Variants in ROCK1 observed in about 807,000 individuals in gnomAD.
The protein encoded by ROCK1 is rho-associated protein kinase 1.
In ROCK1, 36 loss-of-function variants were observed where a neutral mutation model predicts 196.8. The ratio of observed to expected loss-of-function variants is 0.18; its 90% CI spans 0.14 to 0.24. The LOEUF is 0.24. Among genes scored for constraint, ROCK1 ranks in the 10% least tolerant of loss-of-function variants. The probability of loss-of-function intolerance (pLI) is 1.00; values close to 1 mark genes in which losing one functional copy is unlikely to be tolerated. For missense variants in ROCK1, 920 were observed against 1,562.0 expected (o/e 0.59, Z 6.93); for synonymous variants, 443 against 515.9 (o/e 0.86, Z 1.91).
chr18:20,967,218 A>G, intron 26 of ROCK1, 142 bp from the exon 27 acceptor site: 1 of 568,606 alleles, frequency 1.8e-6, no homozygotes. Context: ...ATTTTGATAC[A>G]CTACAGAAAT....
chr18:20,956,341 TTATTA>T (rs374103725), intron 29 of ROCK1, among the ~76,000 whole-genome samples: 119 of 152,240 alleles, frequency 7.8e-4, no homozygotes, highest in African/African-American at 1.7e-3. Flanking sequence ...ATGGAAATTG[TTATTA>T]TATTATATTG....
intron 2 of ROCK1, among the ~76,000 whole-genome samples, chr18:21,057,049 C>A (rs1167245081): frequency 6.6e-6 from 1 of 152,194 alleles, no homozygotes; most frequent in Non-Finnish European, 1.5e-5. Flanking sequence ...GTATCTTTTC[C>A]TATGGCAGAT....
chr18:21,107,879 C>T (rs887809509), intron 1 of ROCK1, among the ~76,000 whole-genome samples: 6 of 152,062 alleles, frequency 3.9e-5, no homozygotes, highest in African/African-American at 1.4e-4. Flanking sequence ...CATGGTGAAA[C>T]CCCATCTCTA....
chr18:21,048,929 G>C (rs1238313996), intron 4 of ROCK1, among the ~76,000 whole-genome samples, 163 bp downstream of exon 4: 1 of 152,126 alleles, frequency 6.6e-6, no homozygotes, highest in Non-Finnish European at 1.5e-5. Context: ...TTTCTTGCTA[G>C]AAATGATTCA....
In ROCK1 at chr18:21,008,140, T is replaced by C. The variant is rs745969192; in HGVS notation, c.1465A>G (p.Met489Val). Reference sequence around the variant, plus strand: ...TCATTAATTCTATGCTGTAGCAACATTTTCTCCTTCTCAATCTGAGACACT... The same window carrying C: ...TCATTAATTCTATGCTGTAGCAACACTTTCTCCTTCTCAATCTGAGACACT... ...STVSQIEKEK[M>V]LLQHRINEYQ... The change falls in exon 14 of 33, where the codon ATG becomes GTG. Residue 489 changes from methionine (M) to valine (V), a missense_variant. Physicochemically the swap from Met to Val is conservative, Grantham distance 21. Transcript: ENST00000399799. 6.9e-6 allele frequency: 11 copies of C among 1,601,210 alleles called. No homozygotes were observed. Among genetic ancestry groups the C allele is most frequent in the Non-Finnish European group, 9.4e-6 (11 of 1,172,018 alleles).
intron 1 of ROCK1, among the ~76,000 whole-genome samples, chr18:21,101,887 A>G (rs2036662207): frequency 6.6e-6 from 1 of 151,594 alleles, no homozygotes; most frequent in Non-Finnish European, 1.5e-5. Flanking sequence ...TTTTTTTTCA[A>G]AGATGCTTAT....
chr18:21,000,765 G>A (rs2035716734), intron 16 of ROCK1, among the ~76,000 whole-genome samples: 1 of 152,170 alleles, frequency 6.6e-6, no homozygotes, highest in African/African-American at 2.4e-5. Context: ...AATACCAAGT[G>A]TTGGCAGGGA....
At chr18:21,018,744 G>T (rs1274647685) in intron 12 of ROCK1, among the ~76,000 whole-genome samples, 1 of 152,118 alleles carries the variant, frequency 6.6e-6, no homozygotes, top group East Asian at 1.9e-4. Context: ...TTAAAAGTGA[G>T]AATTTTATCT....
chr18:21,023,593 T>C (rs766697201), intron 11 of ROCK1, 27 bp downstream of exon 11: 7 of 1,279,340 alleles, frequency 5.5e-6, no homozygotes, highest in Admixed American at 2.4e-5. Context: ...TTAAAAACAA[T>C]TTTCTTAATA....
At chr18:21,086,792 G>A (rs1257782867) in intron 1 of ROCK1, among the ~76,000 whole-genome samples, 1 of 149,748 alleles carries the variant, frequency 6.7e-6, no homozygotes, top group African/African-American at 2.5e-5. Flanking sequence ...GACATTCTCA[G>A]ATGATGAAAA....
At chr18:21,048,507 A>T (rs1229158335) in intron 4 of ROCK1, among the ~76,000 whole-genome samples, 1 of 152,044 alleles carries the variant, frequency 6.6e-6, no homozygotes, top group Non-Finnish European at 1.5e-5. Context: ...TATCTTCTGT[A>T]TTTAAAAATA....
intron 16 of ROCK1, among the ~76,000 whole-genome samples, chr18:20,996,225 A>G (rs573467948): frequency 2.9e-4 from 44 of 152,324 alleles, no homozygotes; most frequent in African/African-American, 7.5e-4. Flanking sequence ...AGACTGAAAT[A>G]AGTACAAAGA....
intron 2 of ROCK1, among the ~76,000 whole-genome samples, chr18:21,061,607 A>T (rs1026394043): frequency 1.1e-4 from 17 of 152,210 alleles, no homozygotes; most frequent in Non-Finnish European, 1.8e-4. Context: ...ATGCAAATTT[A>T]AAAAATCAAT....
At chr18:21,104,334 A>G (rs1165609548) in intron 1 of ROCK1, among the ~76,000 whole-genome samples, 1 of 152,238 alleles carries the variant, frequency 6.6e-6, no homozygotes, top group Non-Finnish European at 1.5e-5. Flanking sequence ...TGCGGCGCTC[A>G]TGCCTGTAAT....
rs764171274 is a variant in ROCK1 at position 21,023,627 on chromosome 18, T to G, written c.1265A>C (p.Lys422Thr). Residue 422 changes from lysine (K) to threonine (T), a missense_variant, in exon 11 of 33, where the codon AAA becomes ACA. Transcript: ENST00000399799. ...NDNRTSSNAD[K>T]SLQESLQKTI... Reference sequence around the variant, plus strand: ...TACTAAGAAAATACCTACCAAGCTTTTATCTGCATTGGAGCTAGTTCTGTT... The same window carrying G: ...TACTAAGAAAATACCTACCAAGCTTGTATCTGCATTGGAGCTAGTTCTGTT... 42 of 1,542,800 alleles carry G rather than the reference T, an allele frequency of 2.7e-5. No individual in the cohort carries two copies. The East Asian group carries it at 9.8e-4, about 36-fold the overall frequency.
At chr18:21,092,045 A>G (rs1480725033) in intron 1 of ROCK1, among the ~76,000 whole-genome samples, 1 of 152,202 alleles carries the variant, frequency 6.6e-6, no homozygotes, top group Non-Finnish European at 1.5e-5. Context: ...CAGATTTTCA[A>G]TTATTAGGGG....
chr18:20,977,103 T>C (rs1026483107), intron 22 of ROCK1, among the ~76,000 whole-genome samples: 1 of 152,200 alleles, frequency 6.6e-6, no homozygotes. Flanking sequence ...CAGCTTTCCC[T>C]TACTTCAATT....
At chr18:21,053,473 C>T (rs1406375288) in intron 2 of ROCK1, among the ~76,000 whole-genome samples, 1 of 152,076 alleles carries the variant, frequency 6.6e-6, no homozygotes, top group African/African-American at 2.4e-5. Context: ...ACTGTCATTG[C>T]ATAATTTAAA....
At chr18:21,078,243 C>A (rs569482560) in intron 1 of ROCK1, among the ~76,000 whole-genome samples, 1 of 151,864 alleles carries the variant, frequency 6.6e-6, no homozygotes, top group Non-Finnish European at 1.5e-5. Flanking sequence ...GTGCGAGAAT[C>A]GTTTGAACCC....
Sources: allele counts gnomAD v4.1 joint callset (sites outside exome capture counted in the v4.1 genomes callset), GRCh38; gene constraint gnomAD v4.1.1; transcripts MANE v1.5; gene names NCBI Gene and HGNC (gene_info 2026-07-23, HGNC 2026-07-21).